The following RAC2 variants were observed in gnomAD, a reference collection of about 807,000 sequenced individuals.
The protein encoded by RAC2 is ras-related C3 botulinum toxin substrate 2.
Under a neutral mutation model 24.0 loss-of-function variants are expected in RAC2, and 1 was observed. That is an observed-to-expected ratio of 0.04 (90% CI 0.01 to 0.20). RAC2 has a LOEUF of 0.20. Ranked by LOEUF, RAC2 falls within the 10% of genes least tolerant of loss-of-function variation. The pLI is 1.00. For missense variants in RAC2, 130 were observed against 259.1 expected (o/e 0.50, Z 3.42); for synonymous variants, 114 against 106.8 (o/e 1.07, Z -0.41).
intron 5 of RAC2, among the ~76,000 whole-genome samples, chr22:37,230,763 G>A (rs755370293): frequency 7.9e-5 from 12 of 152,060 alleles, no homozygotes; most frequent in Non-Finnish European, 1.2e-4. Flanking sequence ...CTAATGCAGC[G>A]CCACCTCCTC....
At chr22:37,226,580 G>T in intron 6 of RAC2, 91 bp downstream of exon 6, 1 of 1,529,172 alleles carries the variant, frequency 6.5e-7, no homozygotes, top group South Asian at 1.2e-5. Context: ...TTCTGTCCTG[G>T]CCTAAATGCC....
At chr22:37,228,427 CA>C (rs1336114420) in intron 5 of RAC2, among the ~76,000 whole-genome samples, 1 of 152,236 alleles carries the variant, frequency 6.6e-6, no homozygotes, top group African/African-American at 2.4e-5. Flanking sequence ...TCAAGCTGCA[CA>C]GTTTCCCTGA....
chr22:37,232,405 C>T, intron 3 of RAC2: 1 of 420,468 alleles, frequency 2.4e-6, no homozygotes, highest in Non-Finnish European at 4.5e-6. Flanking sequence ...CGCCTCCCTG[C>T]ATACCCTGGA....
chr22:37,241,763 A>G, intron 1 of RAC2, 105 bp from the exon 2 acceptor site: 1 of 1,027,916 alleles, frequency 9.7e-7, no homozygotes, highest in Non-Finnish European at 1.5e-6. Context: ...CACCCAGCCT[A>G]GCCCTCTGGG....
At chr22:37,227,544 C>T (rs1332842211) in intron 5 of RAC2, among the ~76,000 whole-genome samples, 1 of 127,206 alleles carries the variant, frequency 7.9e-6, no homozygotes, top group South Asian at 2.8e-4. Flanking sequence ...CACCCCCTCC[C>T]ACGCCATACA....
intron 1 of RAC2, among the ~76,000 whole-genome samples, chr22:37,242,155 G>A (rs1018020718): frequency 6.6e-6 from 1 of 152,198 alleles, no homozygotes; most frequent in Non-Finnish European, 1.5e-5. Flanking sequence ...ATCCAACGAG[G>A]CCTATCAAAG....
chr22:37,230,952 C>T (rs545659406), intron 5 of RAC2, among the ~76,000 whole-genome samples: 1 of 152,348 alleles, frequency 6.6e-6, no homozygotes, highest in South Asian at 2.1e-4. Context: ...GTGCTTCTCA[C>T]ACACAGGTGC....
intron 1 of RAC2, among the ~76,000 whole-genome samples, chr22:37,242,469 C>T (rs956570084): frequency 1.3e-5 from 2 of 152,208 alleles, no homozygotes; most frequent in African/African-American, 4.8e-5. Flanking sequence ...CCACCCTCAG[C>T]ATGCGAGGCT....
At chr22:37,232,113 G>A (rs973520620) in intron 3 of RAC2, 119 bp from the exon 4 acceptor site, 3 of 1,017,740 alleles carry the variant, frequency 2.9e-6, no homozygotes, top group Non-Finnish European at 4.5e-6. Context: ...GGAATGCTGG[G>A]GACTTAGGAT....
intron 2 of RAC2, among the ~76,000 whole-genome samples, chr22:37,233,255 C>T (rs1468087666): frequency 6.6e-6 from 1 of 151,328 alleles, no homozygotes; most frequent in Non-Finnish European, 1.5e-5. Flanking sequence ...TATGCTGCCA[C>T]TCAATGTTTG....
rs2145832982 is a variant in RAC2, at chr22:37,244,143, C to T, written c.6G>A (p.Gln2=). 6.2e-7 allele frequency: 1 copy of T among 1,614,202 alleles called. No individual in the cohort carries two copies. The highest frequency in any genetic ancestry group is 8.5e-7 in the Non-Finnish European group (1 of 1,180,016). Residue 2 remains glutamine, a synonymous_variant, in exon 1 of 7, where the codon CAG becomes CAA. Coordinates refer to ENST00000249071, the MANE Select transcript of RAC2 (RefSeq NM_002872.5). ...CTCCCACCACCACACACTTGATGGC[C>T]TGCATCGTGTCCGGAGCCTGGAGAG... M[Q]AIKCVVVGDG...
At chr22:37,241,799 C>T (rs1286236219) in intron 1 of RAC2, 141 bp from the exon 2 acceptor site, 9 of 751,534 alleles carry the variant, frequency 1.2e-5, no homozygotes, top group Admixed American at 2.0e-5. Context: ...GTGAGATGCC[C>T]CCTGTCTGTG....
In RAC2 at chr22:37,231,194, T is replaced by G; in HGVS notation, c.448+37A>C. The G allele has an allele frequency of 6.2e-7, 1 of 1,610,662 alleles. No homozygotes were observed. On this transcript the variant is annotated intron_variant, in intron 5 of 6. Transcript: ENST00000249071. The surrounding 1 kb of genome is among the most constrained non-coding windows in gnomAD (Gnocchi z 5.5). ...CACGAGGCCAAGTCAGGGCCTCCCCTGCAGCCAGATCGCCCCTCTGAGCCC... is the reference window on the plus strand; with the variant it reads ...CACGAGGCCAAGTCAGGGCCTCCCCGGCAGCCAGATCGCCCCTCTGAGCCC...
intron 5 of RAC2, among the ~76,000 whole-genome samples, chr22:37,230,912 T>A (rs185280268): frequency 6.6e-6 from 1 of 152,300 alleles, no homozygotes. Context: ...ATACTACTCA[T>A]ACTACTAGGA....
intron 6 of RAC2, 144 bp from the exon 7 acceptor site, chr22:37,226,183 AC>A (rs1926829261): frequency 5.6e-6 from 1 of 178,430 alleles, no homozygotes; most frequent in African/African-American, 2.4e-5. Flanking sequence ...TGCTCTCCCC[AC>A]CTCACCAGTC....
intron 2 of RAC2, among the ~76,000 whole-genome samples, chr22:37,238,661 C>A (rs1569091883): frequency 6.6e-6 from 1 of 152,264 alleles, no homozygotes; most frequent in African/African-American, 2.4e-5. Flanking sequence ...TGCCATGTTT[C>A]TGTATCCCCA....
rs1249112938 is a variant in RAC2 at position 37,232,525 on chromosome 22, C to T, written c.225+276G>A. 5.9e-6 allele frequency: 3 copies of T among 508,066 alleles called. No homozygotes were observed. In the Admixed American group the frequency reaches 9.6e-5, roughly 16 times the overall value. 31.5% of individuals were successfully genotyped at this position (508,066 alleles called of 1,614,324 possible). On this transcript the variant is annotated intron_variant, in intron 3 of 6. Coordinates refer to ENST00000249071, the MANE Select transcript of RAC2 (RefSeq NM_002872.5). ...TGCCTCCTGGGGCCCTGTGCAGAAT[C>T]CACCTGCCCCACCACTGGAAACAGG... is the stretch of plus-strand genomic sequence containing the variant.
chr22:37,232,629 T>C, intron 3 of RAC2, 172 bp downstream of exon 3: 4 of 649,600 alleles, frequency 6.2e-6, no homozygotes, highest in Non-Finnish European at 1.1e-5. Flanking sequence ...GCTGAGGGAG[T>C]GCAAGAGGAA....
chr22:37,226,633 G>C (rs1435404688), intron 6 of RAC2, 38 bp downstream of exon 6: 1 of 1,609,592 alleles, frequency 6.2e-7, no homozygotes, highest in East Asian at 2.2e-5. Context: ...AGGGCCTGCT[G>C]TGTATGGGAG....
Sources: allele counts gnomAD v4.1 joint callset (sites outside exome capture counted in the v4.1 genomes callset), GRCh38; gene constraint gnomAD v4.1.1; non-coding constraint Gnocchi (gnomAD v3.1); transcripts MANE v1.5; gene names NCBI Gene and HGNC (gene_info 2026-07-23, HGNC 2026-07-21).